LRMDA: variants seen among roughly 807,000 people sequenced by gnomAD.
The protein encoded by LRMDA is leucine-rich melanocyte differentiation-associated protein.
Under a neutral mutation model 29.8 loss-of-function variants are expected in LRMDA, and 18 were observed. That is an observed-to-expected ratio of 0.60 (90% CI 0.42 to 0.90). The LOEUF is 0.90. Among genes scored for constraint, LRMDA ranks in the 40% least tolerant of loss-of-function variants. The probability of loss-of-function intolerance (pLI) is 0.00; values close to 1 mark genes in which losing one functional copy is unlikely to be tolerated. For synonymous variants in LRMDA, 125 were observed against 109.4 expected (o/e 1.14, Z -0.89); for missense variants, 273 against 273.9 (o/e 1.00, Z 0.02).
At chr10:76,317,864 G>C (rs1048147127) in intron 5 of LRMDA, among the ~76,000 whole-genome samples, 1 of 152,148 alleles carries the variant, frequency 6.6e-6, no homozygotes, top group African/African-American at 2.4e-5. Context: ...GTGAGCTACT[G>C]TGCCTGGCCC....
At chr10:75,868,772 G>A (rs527911348) in intron 2 of LRMDA, among the ~76,000 whole-genome samples, 2 of 152,086 alleles carry the variant, frequency 1.3e-5, no homozygotes, top group South Asian at 4.2e-4. Flanking sequence ...AGAAAGCCCC[G>A]CCCTCCTCTC....
intron 6 of LRMDA, among the ~76,000 whole-genome samples, chr10:76,493,572 C>T (rs1374697346): frequency 1.3e-5 from 2 of 152,116 alleles, no homozygotes; most frequent in African/African-American, 4.8e-5. Context: ...TATTTCTAGA[C>T]GTTCTGTTTT....
intron 5 of LRMDA, among the ~76,000 whole-genome samples, chr10:76,215,908 A>C (rs1851720150): frequency 6.6e-6 from 1 of 152,250 alleles, no homozygotes; most frequent in Admixed American, 6.5e-5. Context: ...AAAGAGGATG[A>C]CACAATAACA....
In LRMDA at chr10:76,314,959, C is replaced by G. The variant is rs145412674; in HGVS notation, c.517-9442C>G. ...CATGAGTTGATTCATATCTCACTAC[C>G]AATATATTACCTACCTTTGTATGTG... On this transcript the variant is annotated intron_variant, in intron 5 of 6. Coordinates refer to ENST00000611255, the MANE Select transcript of LRMDA (RefSeq NM_001305581.2). Among the ~76,000 whole-genome samples the G allele has an allele frequency of 1.5e-3, 226 of 152,298 alleles. 1 individual carries two copies. Among genetic ancestry groups the G allele is most frequent in the Non-Finnish European group, 2.6e-3 (175 of 68,026 alleles).
rs1163068954 is a variant in LRMDA at position 75,754,751 on chromosome 10, C to T, written c.132-281257C>T. ...CTTCTTTCTCCCCTTTTCCCCGTTT[C>T]CTTCATCCAGCTAGCAGGAATTTTT... On this transcript the variant is annotated intron_variant, in intron 2 of 6. Coordinates refer to ENST00000611255, the MANE Select transcript of LRMDA (RefSeq NM_001305581.2). Among the ~76,000 whole-genome samples the T allele has an allele frequency of 2.0e-5, 3 of 152,150 alleles. No individual in the cohort carries two copies. The East Asian group carries it at 5.8e-4, about 29-fold the overall frequency.
chr10:75,800,379 A>T (rs949753482), intron 2 of LRMDA, among the ~76,000 whole-genome samples: 3 of 151,234 alleles, frequency 2.0e-5, no homozygotes, highest in African/African-American at 2.4e-5. Context: ...TTTTAAATGC[A>T]TCCTTGTTGA....
At chr10:75,556,436 T>G (rs1840214380) in intron 2 of LRMDA, among the ~76,000 whole-genome samples, 1 of 152,026 alleles carries the variant, frequency 6.6e-6, no homozygotes, top group Admixed American at 6.6e-5. Context: ...AAAGGTGAAA[T>G]AAAGACATTT....
At chr10:76,255,377 C>G (rs1004784936) in intron 5 of LRMDA, among the ~76,000 whole-genome samples, 1 of 152,134 alleles carries the variant, frequency 6.6e-6, no homozygotes, top group African/African-American at 2.4e-5. Context: ...TGCATTTCCT[C>G]TGTTGGAAAT....
At position 75,740,256 on chromosome 10, in the gene LRMDA, G is replaced by A. The variant is rs553698969; in HGVS notation, c.132-295752G>A. ...GTGCGATGTTCAGACAAATGCTGAC[G>A]CAGACCGACGGGAGCTGGAGGCTGA... is the stretch of plus-strand genomic sequence containing the variant. On this transcript the variant is annotated intron_variant, in intron 2 of 6. Transcript: ENST00000611255. 3.9e-4 allele frequency among the ~76,000 whole-genome samples: 60 copies of A among 152,174 alleles called. 1 individual carries two copies. The highest frequency in any genetic ancestry group is 2.9e-3 in the Admixed American group (44 of 15,284).
At chr10:76,321,807 T>C (rs1441603133) in intron 5 of LRMDA, among the ~76,000 whole-genome samples, 2 of 152,012 alleles carry the variant, frequency 1.3e-5, no homozygotes, top group East Asian at 1.9e-4. Flanking sequence ...TAGCTGGATA[T>C]GATGGCACGT....
rs150659856 is a variant in LRMDA at position 75,519,055 on chromosome 10, G to A, written c.131+80561G>A. Among the ~76,000 whole-genome samples, 1,448 of 152,314 alleles carry A rather than the reference G, an allele frequency of 9.5e-3. 15 individuals carry two copies. Among genetic ancestry groups the A allele is most frequent in the Middle Eastern group, 0.054 (16 of 294 alleles). Reference sequence around the variant, plus strand: ...TTCTGAGTTCTAATTTGATTACACTGTGGTCTGAGAGACAGTTTGTTGTGA... The same window carrying A: ...TTCTGAGTTCTAATTTGATTACACTATGGTCTGAGAGACAGTTTGTTGTGA... On this transcript the variant is annotated intron_variant, in intron 2 of 6. Coordinates refer to ENST00000611255, the MANE Select transcript of LRMDA (RefSeq NM_001305581.2).
At chr10:75,624,117 C>T (rs575687186) in intron 2 of LRMDA, among the ~76,000 whole-genome samples, 7 of 152,200 alleles carry the variant, frequency 4.6e-5, no homozygotes, top group African/African-American at 1.7e-4. Context: ...TGAATTTAGC[C>T]CTGTTCCTAT....
intron 4 of LRMDA, among the ~76,000 whole-genome samples, chr10:76,057,857 A>C (rs1848641807): frequency 6.6e-6 from 1 of 152,258 alleles, no homozygotes; most frequent in Non-Finnish European, 1.5e-5. Context: ...ACACATGTCC[A>C]TACCTGTTAT....
intron 6 of LRMDA, among the ~76,000 whole-genome samples, chr10:76,480,134 G>A (rs1842720775): frequency 1.3e-5 from 2 of 151,908 alleles, no homozygotes; most frequent in Admixed American, 1.3e-4. Flanking sequence ...TGAAAATGAT[G>A]TGTCTTCTTT....
chr10:76,220,902 A>C (rs1228101978), intron 5 of LRMDA, among the ~76,000 whole-genome samples: 5 of 152,148 alleles, frequency 3.3e-5, no homozygotes, highest in Non-Finnish European at 7.4e-5. Flanking sequence ...ATCCAGCAGC[A>C]CATCAAGAAG....
rs557623699 is a variant in LRMDA at position 76,422,461 on chromosome 10, C to T, written c.601+97976C>T. ...ATCAAATTATTTTATTCACACTTTA[C>T]AGATCTTGAATTTGAGGCTAAATCA... On this transcript the variant is annotated intron_variant, in intron 6 of 6. Coordinates refer to ENST00000611255, the MANE Select transcript of LRMDA (RefSeq NM_001305581.2). 7.2e-5 allele frequency among the ~76,000 whole-genome samples: 11 copies of T among 152,212 alleles called. No individual in the cohort carries two copies. The South Asian group carries it at 2.3e-3, about 32-fold the overall frequency.
At chr10:75,677,155 C>T (rs531691128) in intron 2 of LRMDA, among the ~76,000 whole-genome samples, 1 of 152,232 alleles carries the variant, frequency 6.6e-6, no homozygotes, top group African/African-American at 2.4e-5. Flanking sequence ...GTGCCCTATG[C>T]TACATGGAGT....
chr10:75,515,152 T>C (rs1426340007), intron 2 of LRMDA, among the ~76,000 whole-genome samples: 1 of 152,214 alleles, frequency 6.6e-6, no homozygotes, highest in African/African-American at 2.4e-5. Flanking sequence ...ATTCCATTTA[T>C]AGGAAATATC....
At chr10:75,628,956 A>T (rs928870212) in intron 2 of LRMDA, among the ~76,000 whole-genome samples, 2 of 152,216 alleles carry the variant, frequency 1.3e-5, no homozygotes, top group Admixed American at 6.5e-5. Flanking sequence ...CATGGACCCC[A>T]AGATGGGTTA....
Sources: gnomAD v4.1 joint callset for allele counts (sites outside exome capture counted in the v4.1 genomes callset) on GRCh38, gnomAD v4.1.1 for gene constraint, MANE v1.5 for transcripts, NCBI Gene and HGNC (gene_info 2026-07-23, HGNC 2026-07-21) for gene names.